MTUS1: variants seen among roughly 807,000 people sequenced by gnomAD.
MTUS1 encodes microtubule associated scaffold protein 1, also known as microtubule-associated tumor suppressor 1.
MTUS1 carries 109 observed loss-of-function variants against 120.8 expected under a neutral mutation model. The observed-to-expected ratio is 0.90, with a 90% CI of 0.77 to 1.06. The LOEUF (loss-of-function observed/expected upper bound fraction) is 1.06. Among genes scored for constraint, MTUS1 ranks in the 50% least tolerant of loss-of-function variants. MTUS1 has a pLI of 0.00. For synonymous variants in MTUS1, 737 were observed against 550.5 expected (o/e 1.34, Z -4.74); for missense variants, 2,210 against 1,486.3 (o/e 1.49, Z -8.01).
At chr8:17,738,392 G>A (rs1403318873) in intron 3 of MTUS1, among the ~76,000 whole-genome samples, 2 of 152,104 alleles carry the variant, frequency 1.3e-5, no homozygotes, top group Non-Finnish European at 2.9e-5. Context: ...CTCTGAAATG[G>A]CAACTCATGT....
intron 1 of MTUS1, among the ~76,000 whole-genome samples, chr8:17,777,633 T>C (rs1376357329): frequency 1.3e-5 from 2 of 152,000 alleles, no homozygotes; most frequent in African/African-American, 4.8e-5. Flanking sequence ...GAAGGTTAGA[T>C]TGCCTCACTG....
chr8:17,719,996 AG>A (rs1373541241), intron 4 of MTUS1, among the ~76,000 whole-genome samples: 1 of 147,586 alleles, frequency 6.8e-6, no homozygotes, highest in African/African-American at 2.5e-5. Context: ...GAGAGTATGG[AG>A]GCTGGAGGCT....
At chr8:17,789,434 G>C (rs1460843046) in intron 1 of MTUS1, among the ~76,000 whole-genome samples, 1 of 151,510 alleles carries the variant, frequency 6.6e-6, no homozygotes, top group African/African-American at 2.4e-5. Context: ...GCAGGGCAGA[G>C]TTTACAGCTG....
intron 8 of MTUS1, among the ~76,000 whole-genome samples, chr8:17,658,277 G>A (rs1312756144): frequency 6.6e-6 from 1 of 152,166 alleles, no homozygotes; most frequent in East Asian, 1.9e-4. Flanking sequence ...CTCGTGATGC[G>A]CCTGCCTCGG....
chr8:17,788,358 G>T (rs186150408), intron 1 of MTUS1, among the ~76,000 whole-genome samples: 2 of 152,060 alleles, frequency 1.3e-5, no homozygotes, highest in African/African-American at 4.8e-5. Flanking sequence ...GATTTTTTCC[G>T]CATTCTTTTT....
intron 1 of MTUS1, among the ~76,000 whole-genome samples, chr8:17,790,310 T>C (rs904192463): frequency 5.3e-5 from 8 of 150,454 alleles, no homozygotes; most frequent in Non-Finnish European, 1.2e-4. Flanking sequence ...ATGAAGCCAT[T>C]GCACTCCAGC....
chr8:17,778,453 A>C (rs2050622574), intron 1 of MTUS1, among the ~76,000 whole-genome samples: 1 of 152,224 alleles, frequency 6.6e-6, no homozygotes, highest in African/African-American at 2.4e-5. Context: ...GGTGTTTGTC[A>C]AAATTCATTG....
chr8:17,743,487 G>A (rs2047494494), intron 3 of MTUS1, 117 bp downstream of exon 3: 3 of 941,858 alleles, frequency 3.2e-6, no homozygotes, highest in South Asian at 3.5e-5. Context: ...CTGTGCTCAG[G>A]ATGCTGATCC....
At chr8:17,709,428 TTTTTA>T (rs1268256997) in intron 6 of MTUS1, among the ~76,000 whole-genome samples, 1 of 152,058 alleles carries the variant, frequency 6.6e-6, no homozygotes, top group Non-Finnish European at 1.5e-5. Flanking sequence ...TTGAGCAGGT[TTTTTA>T]TTTTATTTTT....
rs149214280 is a variant in MTUS1 at position 17,795,821 on chromosome 8, G to C, written c.-155+5240C>G. 1.8e-3 allele frequency among the ~76,000 whole-genome samples: 281 copies of C among 152,028 alleles called. 2 individuals are homozygous for C. Among genetic ancestry groups the C allele is most frequent in the African/African-American group, 6.6e-3 (272 of 41,472 alleles). On this transcript the variant is annotated intron_variant, in intron 1 of 14. Coordinates refer to ENST00000693296, the MANE Select transcript of MTUS1 (RefSeq NM_001363059.2). Reference sequence around the variant, plus strand: ...ACCAGCTACTTTTGTATTTTTAGTAGAGTCGGGTTTCACCATGTTAGCCAA... The same window carrying C: ...ACCAGCTACTTTTGTATTTTTAGTACAGTCGGGTTTCACCATGTTAGCCAA...
intron 3 of MTUS1, among the ~76,000 whole-genome samples, chr8:17,738,210 G>A (rs1029135962): frequency 1.1e-4 from 17 of 152,182 alleles, no homozygotes; most frequent in Middle Eastern, 6.8e-3. Context: ...TTTCTTCACC[G>A]ACCCACCCCT....
intron 1 of MTUS1, among the ~76,000 whole-genome samples, chr8:17,796,509 T>C (rs1416600531): frequency 5.3e-5 from 8 of 152,196 alleles, no homozygotes; most frequent in Non-Finnish European, 4.4e-5. Flanking sequence ...TCTTCCTTGA[T>C]TGTGTAACAT....
chr8:17,693,812 T>C (rs1434975008), intron 6 of MTUS1, among the ~76,000 whole-genome samples: 1 of 152,216 alleles, frequency 6.6e-6, no homozygotes, highest in Non-Finnish European at 1.5e-5. Context: ...AGGGTCCATG[T>C]GGGACTTAGT....
intron 3 of MTUS1, among the ~76,000 whole-genome samples, chr8:17,737,179 C>G (rs1185521144): frequency 6.6e-6 from 1 of 152,140 alleles, no homozygotes; most frequent in Non-Finnish European, 1.5e-5. Context: ...GCCAGAACAC[C>G]CGGCCCATTT....
intron 1 of MTUS1, among the ~76,000 whole-genome samples, chr8:17,794,632 T>C (rs908259845): frequency 6.6e-6 from 1 of 152,224 alleles, no homozygotes; most frequent in African/African-American, 2.4e-5. Flanking sequence ...AATTAAAGCC[T>C]GTTGGCTTAG....
chr8:17,727,091 C>A (rs180837351), intron 3 of MTUS1, among the ~76,000 whole-genome samples: 6 of 152,270 alleles, frequency 3.9e-5, no homozygotes, highest in African/African-American at 1.4e-4. Context: ...CATTGTCACC[C>A]CCATCCAGGC....
intron 1 of MTUS1, among the ~76,000 whole-genome samples, chr8:17,763,241 C>T (rs1390342761): frequency 6.6e-6 from 1 of 152,170 alleles, no homozygotes; most frequent in Non-Finnish European, 1.5e-5. Context: ...CTACACACCT[C>T]GGCCTTCCAA....
intron 4 of MTUS1, chr8:17,722,269 GTGGCACT>G (rs2045903974): frequency 2.0e-6 from 2 of 989,880 alleles, no homozygotes; most frequent in Admixed American, 1.2e-4. Flanking sequence ...ACACGGGGCT[GTGGCACT>G]ACAGACTGTG....
rs76566388 is a variant in MTUS1, at chr8:17,799,089, G to C, written c.-155+1972C>G. 9.6e-3 allele frequency among the ~76,000 whole-genome samples: 1,459 copies of C among 151,914 alleles called. 21 individuals carry two copies. The highest frequency in any genetic ancestry group is 0.033 in the African/African-American group (1,366 of 41,424). On this transcript the variant is annotated intron_variant, in intron 1 of 14. Coordinates refer to ENST00000693296, the MANE Select transcript of MTUS1 (RefSeq NM_001363059.2). ...ACGGTAACACCAGTATTCTCACAGA[G>C]AGCTGGTGGGAACATAATTTGGTTA...
Sources: gnomAD v4.1 joint callset for allele counts (sites outside exome capture counted in the v4.1 genomes callset) on GRCh38, gnomAD v4.1.1 for gene constraint, MANE v1.5 for transcripts, NCBI Gene and HGNC (gene_info 2026-07-23, HGNC 2026-07-21) for gene names.